Variants in SNTG2 observed in about 807,000 individuals in gnomAD.
The protein encoded by SNTG2 is gamma-2-syntrophin.
A neutral mutation model predicts 70.9 loss-of-function variants in SNTG2; 74 were observed. The ratio of observed to expected loss-of-function variants is 1.04; its 90% CI spans 0.86 to 1.27. SNTG2 has a LOEUF of 1.27. SNTG2 is among the 50% of genes most tolerant of loss of function. SNTG2 has a pLI of 0.00. For missense variants in SNTG2, 717 were observed against 690.7 expected, an observed-to-expected ratio of 1.04 and a Z score of -0.43; for synonymous variants, 278 against 273.8, an observed-to-expected ratio of 1.02 and a Z score of -0.15.
intron 14 of SNTG2, among the ~76,000 whole-genome samples, chr2:1,267,772 A>T (rs36193973): frequency 1.3e-5 from 2 of 152,030 alleles, no homozygotes; most frequent in Admixed American, 1.3e-4. Context: ...GTGGAAGGGA[A>T]GGGGAGGAGA....
chr2:1,365,578 G>A (rs1254609636), intron 16 of SNTG2, among the ~76,000 whole-genome samples: 3 of 152,098 alleles, frequency 2.0e-5, no homozygotes, highest in Non-Finnish European at 4.4e-5. Flanking sequence ...CGGCAGGCTG[G>A]CTCGCTGGCT....
rs564877895 is a variant in SNTG2 at position 1,347,063 on chromosome 2, C to A, written c.1489-20280C>A. Among the ~76,000 whole-genome samples, 11 of 129,744 alleles carry A rather than the reference C, an allele frequency of 8.5e-5. 1 individual carries two copies. The South Asian group carries it at 3.2e-3, about 38-fold the overall frequency. The allele number at this position is 129,744 out of a possible 152,430, so 85.1% of individuals were successfully genotyped here. A position where few individuals can be genotyped will look rare whatever the true frequency, so the allele number is the denominator to read the frequency against. On this transcript the variant is annotated intron_variant, in intron 16 of 16. Transcript: ENST00000308624. Reference sequence around the variant, plus strand: ...GGTTTGTAGGGCACAACTCCCCAGGCCCTTTAGAAAGGAATTTGGGAAAGA... The same window carrying A: ...GGTTTGTAGGGCACAACTCCCCAGGACCTTTAGAAAGGAATTTGGGAAAGA...
intron 4 of SNTG2, chr2:1,102,530 C>T (rs1665844628): frequency 6.6e-6 from 1 of 152,160 alleles, no homozygotes; most frequent in Admixed American, 6.6e-5. Context: ...TTGAGGTTTC[C>T]TTTTAGCCTC....
intron 16 of SNTG2, among the ~76,000 whole-genome samples, chr2:1,352,247 C>G (rs948964199): frequency 6.6e-6 from 1 of 152,228 alleles, no homozygotes; most frequent in African/African-American, 2.4e-5. Flanking sequence ...ATCCTCCTGG[C>G]ACCTTTAGCT....
At chr2:1,139,376 C>T (rs554384218) in intron 6 of SNTG2, among the ~76,000 whole-genome samples, 2 of 152,262 alleles carry the variant, frequency 1.3e-5, no homozygotes, top group African/African-American at 2.4e-5. Flanking sequence ...GGATTATAGA[C>T]GCCCACCACC....
At chr2:1,033,138 C>T (rs560023229) in intron 1 of SNTG2, among the ~76,000 whole-genome samples, 16 of 152,276 alleles carry the variant, frequency 1.1e-4, no homozygotes, top group African/African-American at 1.7e-4. Flanking sequence ...CAGTTGCCTC[C>T]GCCAGGTTCC....
chr2:1,000,909 G>T (rs547247319), intron 1 of SNTG2, among the ~76,000 whole-genome samples: 1 of 151,840 alleles, frequency 6.6e-6, no homozygotes, highest in South Asian at 2.1e-4. Flanking sequence ...TCAAAAATGT[G>T]ATCAAAATTT....
chr2:1,339,183 G>T (rs1209624152), intron 16 of SNTG2, among the ~76,000 whole-genome samples: 1 of 152,164 alleles, frequency 6.6e-6, no homozygotes, highest in Admixed American at 6.5e-5. Flanking sequence ...AGAAACTTAA[G>T]TCCTCTGCCC....
Position 1,131,940 on chromosome 2 carries a change from G to A in SNTG2, c.326-5682G>A, listed in dbSNP as rs569275475. On this transcript the variant is annotated intron_variant, in intron 4 of 16. Coordinates refer to ENST00000308624, the MANE Select transcript of SNTG2 (RefSeq NM_018968.4). ...GCTGGGATTATAGGCGTGAGCCACC[G>A]CACCTGGCCACTAATCCTTTTTCTT... 7.9e-5 allele frequency among the ~76,000 whole-genome samples: 12 copies of A among 152,208 alleles called. No homozygotes were observed. The East Asian group carries it at 1.5e-3, about 20-fold the overall frequency.
intron 6 of SNTG2, among the ~76,000 whole-genome samples, chr2:1,154,393 G>A (rs558210770): frequency 1.3e-5 from 2 of 152,330 alleles, no homozygotes; most frequent in South Asian, 4.1e-4. Flanking sequence ...GTCGGAAGAT[G>A]TTGAATAAGA....
Position 1,143,603 on chromosome 2 carries a change from T to A in SNTG2, c.411+5794T>A, listed in dbSNP as rs1168208143. Among the ~76,000 whole-genome samples, 4 of 151,498 alleles carry A rather than the reference T, an allele frequency of 2.6e-5. 1 individual carries two copies. The highest frequency in any genetic ancestry group is 3.4e-3 in the Middle Eastern group (1 of 294). ...ATGATATTTGGCCAATGTCAGTGAC[T>A]CACTCCTGTAATCCCAGCAACTTTG... On this transcript the variant is annotated intron_variant, in intron 6 of 16. Coordinates refer to ENST00000308624, the MANE Select transcript of SNTG2 (RefSeq NM_018968.4).
intron 8 of SNTG2, among the ~76,000 whole-genome samples, chr2:1,204,065 C>T (rs372024834): frequency 9.9e-5 from 15 of 152,130 alleles, no homozygotes; most frequent in South Asian, 2.1e-4. Context: ...CGATTAATAC[C>T]GAGTTATAAA....
chr2:1,080,955 T>C lies in SNTG2; in HGVS notation c.73-2563T>C, dbSNP rs149658707. 1.7e-3 allele frequency among the ~76,000 whole-genome samples: 261 copies of C among 152,128 alleles called. 1 individual carries two copies. The highest frequency in any genetic ancestry group is 6.1e-3 in the African/African-American group (252 of 41,510). On this transcript the variant is annotated intron_variant, in intron 1 of 16. Coordinates refer to ENST00000308624, the MANE Select transcript of SNTG2 (RefSeq NM_018968.4). ...CGAGAACGCTGGTGGCCCTTCCTTT[T>C]CTCAGAGCCTGAGAGCTGTCAGTCA...
chr2:1,055,326 T>C (rs1054644774), intron 1 of SNTG2, among the ~76,000 whole-genome samples: 2 of 152,256 alleles, frequency 1.3e-5, no homozygotes, highest in African/African-American at 4.8e-5. Context: ...TTTCATTTTG[T>C]GTAGGTGACT....
chr2:1,006,240 A>G (rs903096621), intron 1 of SNTG2, among the ~76,000 whole-genome samples: 1 of 151,732 alleles, frequency 6.6e-6, no homozygotes, highest in African/African-American at 2.4e-5. Context: ...GCAGCGCACT[A>G]GCATGGCACA....
At position 1,005,544 on chromosome 2, in the gene SNTG2, C is replaced by T. The variant is rs369027915; in HGVS notation, c.72+54476C>T. Reference sequence around the variant, plus strand: ...TGGAGCTGGGCACAGTGGCTCACACCTGTAATCCCAGCACTTTGGGAGGCT... The same window carrying T: ...TGGAGCTGGGCACAGTGGCTCACACTTGTAATCCCAGCACTTTGGGAGGCT... On this transcript the variant is annotated intron_variant, in intron 1 of 16. Coordinates refer to ENST00000308624, the MANE Select transcript of SNTG2 (RefSeq NM_018968.4). Among the ~76,000 whole-genome samples, 17 of 151,830 alleles carry T rather than the reference C, an allele frequency of 1.1e-4. No homozygotes were observed. The East Asian group carries it at 3.2e-3, about 28-fold the overall frequency.
At chr2:1,222,557 AGCGGTGCAGTGATGGAGGGCGT>A (rs1675370804) in intron 9 of SNTG2, among the ~76,000 whole-genome samples, 15 of 48,024 alleles carry the variant, frequency 3.1e-4, no homozygotes, top group East Asian at 6.9e-4. Flanking sequence ...TGTAGAGGAA[AGCGGTGCAGTGATGGAGGGCGT>A]CTCCCTGTCC....
At chr2:1,051,208 C>CCCTCCCTTCCTCCCTTCCTT (rs1662055605) in intron 1 of SNTG2, among the ~76,000 whole-genome samples, 1 of 122,178 alleles carries the variant, frequency 8.2e-6, no homozygotes, top group Non-Finnish European at 1.7e-5. Context: ...CTCCCTTCCT[C>CCCTCCCTTCCTCCCTTCCTT]CCTTCCTTCC....
chr2:1,264,025 T>C (rs1214868484), intron 13 of SNTG2, among the ~76,000 whole-genome samples: 1 of 152,242 alleles, frequency 6.6e-6, no homozygotes, highest in African/African-American at 2.4e-5. Flanking sequence ...TGTATGCCAA[T>C]TGTTTTCTAT....
Sources: gnomAD v4.1 joint callset for allele counts (sites outside exome capture counted in the v4.1 genomes callset) on GRCh38, gnomAD v4.1.1 for gene constraint, MANE v1.5 for transcripts, NCBI Gene and HGNC (gene_info 2026-07-23, HGNC 2026-07-21) for gene names.